The following RAPGEF4 variants were observed in gnomAD, a reference collection of about 807,000 sequenced individuals.
RAPGEF4 encodes Rap guanine nucleotide exchange factor 4.
In RAPGEF4, 66 loss-of-function variants were observed where a neutral mutation model predicts 147.9. That is an observed-to-expected ratio of 0.45 (90% CI 0.37 to 0.55). RAPGEF4 has a LOEUF of 0.55. Ranked by LOEUF, RAPGEF4 falls within the 20% of genes least tolerant of loss-of-function variation. The pLI, the probability that RAPGEF4 is intolerant of heterozygous loss-of-function variation, is 0.00. For missense variants in RAPGEF4, 1,071 were observed against 1,257.3 expected (o/e 0.85, Z 2.24); for synonymous variants, 419 against 442.7 (o/e 0.95, Z 0.67).
intron 12 of RAPGEF4, among the ~76,000 whole-genome samples, chr2:172,987,254 A>G (rs532448044): frequency 6.6e-6 from 1 of 152,288 alleles, no homozygotes; most frequent in South Asian, 2.1e-4. Context: ...GTGAGCCGTG[A>G]TCACGCCACT....
chr2:172,816,869 T>C (rs1688564829), intron 4 of RAPGEF4, among the ~76,000 whole-genome samples: 3 of 152,214 alleles, frequency 2.0e-5, no homozygotes, highest in African/African-American at 7.2e-5. Context: ...TGTTTCATTA[T>C]ATTTGCCTGT....
At position 172,825,472 on chromosome 2, in the gene RAPGEF4, A is replaced by G. The variant is rs576056076; in HGVS notation, c.444+11047A>G. On this transcript the variant is annotated intron_variant, in intron 4 of 30. Coordinates refer to ENST00000397081, the MANE Select transcript of RAPGEF4 (RefSeq NM_007023.4). ...CAATATAACAGGCATTGCTATTGCA[A>G]TTGTGTTTCTGTGATTACTGGGATG... Among the ~76,000 whole-genome samples, 10 of 152,310 alleles carry G rather than the reference A, an allele frequency of 6.6e-5. No homozygotes were observed. The East Asian group carries it at 7.7e-4, about 12-fold the overall frequency.
At chr2:172,796,897 A>G (rs1371514583) in intron 2 of RAPGEF4, among the ~76,000 whole-genome samples, 2 of 152,168 alleles carry the variant, frequency 1.3e-5, no homozygotes, top group African/African-American at 4.8e-5. Flanking sequence ...TTTTTGAACC[A>G]GTGTTTTGGA....
At chr2:172,939,863 C>A (rs1486143225) in intron 6 of RAPGEF4, among the ~76,000 whole-genome samples, 1 of 152,060 alleles carries the variant, frequency 6.6e-6, no homozygotes, top group Non-Finnish European at 1.5e-5. Context: ...GTTTTTCCAG[C>A]TCCATTTCTT....
chr2:172,992,901 G>C (rs1692968445), intron 15 of RAPGEF4, among the ~76,000 whole-genome samples: 1 of 152,098 alleles, frequency 6.6e-6, no homozygotes, highest in African/African-American at 2.4e-5. Context: ...TTTCCCAAAT[G>C]AGACCAGAGT....
intron 10 of RAPGEF4, among the ~76,000 whole-genome samples, chr2:172,974,540 C>T (rs540348877): frequency 6.6e-6 from 1 of 152,106 alleles, no homozygotes; most frequent in African/African-American, 2.4e-5. Context: ...AAAAATCAGC[C>T]AGGCGTAATG....
chr2:173,021,907 G>A (rs16861180), intron 23 of RAPGEF4, among the ~76,000 whole-genome samples: 15 of 152,086 alleles, frequency 9.9e-5, no homozygotes, highest in Non-Finnish European at 4.4e-5. Context: ...TCATCCATCA[G>A]AGCCCATAAG....
intron 10 of RAPGEF4, among the ~76,000 whole-genome samples, chr2:172,973,304 G>T (rs1390033317): frequency 1.3e-5 from 2 of 151,792 alleles, no homozygotes; most frequent in East Asian, 3.9e-4. Flanking sequence ...ATAGAGACAA[G>T]GTCTCATTAT....
chr2:172,984,742 T>C (rs1342262052), intron 11 of RAPGEF4, among the ~76,000 whole-genome samples: 1 of 152,126 alleles, frequency 6.6e-6, no homozygotes, highest in East Asian at 1.9e-4. Context: ...TCCCTGCCTG[T>C]GCTCCAGGGA....
intron 4 of RAPGEF4, 101 bp from the exon 5 acceptor site, chr2:172,917,693 GGCTCAGAT>G: frequency 1.1e-6 from 1 of 903,050 alleles, no homozygotes; most frequent in Non-Finnish European, 1.8e-6. Flanking sequence ...ATAAATACAA[GGCTCAGAT>G]GCTTCCTGAC....
intron 18 of RAPGEF4, among the ~76,000 whole-genome samples, chr2:173,016,093 G>T (rs555264882): frequency 1.3e-5 from 2 of 152,112 alleles, no homozygotes; most frequent in Non-Finnish European, 2.9e-5. Flanking sequence ...TAGGTGTATA[G>T]TTCAGTGGCA....
In RAPGEF4 at chr2:172,961,192, T is replaced by C. The variant is rs1210478609; in HGVS notation, c.662T>C (p.Met221Thr). 3.1e-6 allele frequency: 5 copies of C among 1,611,758 alleles called. No individual in the cohort carries two copies. Among genetic ancestry groups the C allele is most frequent in the Non-Finnish European group, 4.2e-6 (5 of 1,177,832 alleles). ...GCCATTCTCTCTCGAGCACCTCACA[T>C]GATAAGAGATAGAAAATACCACCTA... ...RNAILSRAPHMIRDRKYHLKT... is the reference protein window; with the variant it reads ...RNAILSRAPHTIRDRKYHLKT... The change falls in exon 8 of 31, where the codon ATG becomes ACG. Residue 221 changes from methionine (M) to threonine (T), a missense_variant. Coordinates refer to ENST00000397081, the MANE Select transcript of RAPGEF4 (RefSeq NM_007023.4).
intron 1 of RAPGEF4, among the ~76,000 whole-genome samples, chr2:172,748,611 A>T: frequency 6.6e-6 from 1 of 152,132 alleles, no homozygotes; most frequent in East Asian, 1.9e-4. Flanking sequence ...TTCAAGATAG[A>T]TTTGGGTGGG....
rs377590105 is a variant in RAPGEF4 at position 173,014,459 on chromosome 2, G to A, written c.1659-5G>A. 39 of 1,613,426 alleles carry A rather than the reference G, an allele frequency of 2.4e-5. No homozygotes were observed. Among genetic ancestry groups the A allele is most frequent in the Admixed American group, 1.0e-4 (6 of 59,936 alleles). ...GGCTCAATTTCTTCCTTGACTCCTC[G>A]GCACCTACCACGCACAGCCTTCACA... is the stretch of plus-strand genomic sequence containing the variant. On this transcript the variant is annotated splice_polypyrimidine_tract_variant and splice_region_variant and intron_variant, in intron 17 of 30. Transcript: ENST00000397081.
At chr2:172,843,610 G>A (rs1477239888) in intron 4 of RAPGEF4, among the ~76,000 whole-genome samples, 1 of 152,164 alleles carries the variant, frequency 6.6e-6, no homozygotes, top group African/African-American at 2.4e-5. Flanking sequence ...GTTCTTGTGA[G>A]CTCTTTTGTC....
At chr2:172,978,857 A>G (rs183599097) in intron 10 of RAPGEF4, among the ~76,000 whole-genome samples, 12 of 152,236 alleles carry the variant, frequency 7.9e-5, no homozygotes, top group African/African-American at 2.2e-4. Flanking sequence ...TTCCAATGTC[A>G]TTTTGCATGT....
intron 4 of RAPGEF4, among the ~76,000 whole-genome samples, chr2:172,847,056 T>C (rs368179666): frequency 1.7e-4 from 26 of 152,314 alleles, no homozygotes; most frequent in African/African-American, 6.0e-4. Flanking sequence ...TTGAATACCA[T>C]TCTGGCAAGA....
intron 17 of RAPGEF4, 85 bp from the exon 18 acceptor site, chr2:173,014,379 G>A: frequency 6.4e-7 from 1 of 1,556,164 alleles, no homozygotes. Context: ...GCTTTCTGAA[G>A]CTGGGATCTG....
intron 29 of RAPGEF4, among the ~76,000 whole-genome samples, chr2:173,040,662 A>G (rs1684650474): frequency 6.6e-6 from 1 of 152,236 alleles, no homozygotes; most frequent in South Asian, 2.1e-4. Context: ...TTTCTCTGAA[A>G]TAGAACCAAT....
Sources: gnomAD v4.1 joint callset for allele counts (sites outside exome capture counted in the v4.1 genomes callset) on GRCh38, gnomAD v4.1.1 for gene constraint, MANE v1.5 for transcripts, NCBI Gene and HGNC (gene_info 2026-07-23, HGNC 2026-07-21) for gene names.